The following SMPD4 variants were observed in gnomAD, a reference collection of about 807,000 sequenced individuals.
SMPD4 encodes the protein neutral sphingomyelinase 3.
SMPD4 carries 58 observed loss-of-function variants against 97.8 expected under a neutral mutation model. That is an observed-to-expected ratio of 0.59 (90% CI 0.48 to 0.74). SMPD4 has a LOEUF of 0.74. Among genes scored for constraint, SMPD4 ranks in the 30% least tolerant of loss-of-function variants. The pLI, the probability that SMPD4 is intolerant of heterozygous loss-of-function variation, is 0.00. For missense variants in SMPD4, 853 were observed against 1,080.5 expected, an observed-to-expected ratio of 0.79 and a Z score of 2.95; for synonymous variants, 388 against 450.0, an observed-to-expected ratio of 0.86 and a Z score of 1.74.
At chr2:130,161,311 G>C in intron 10 of SMPD4, 39 bp from the exon 11 acceptor site, 1 of 1,587,794 alleles carries the variant, frequency 6.3e-7, no homozygotes, top group Non-Finnish European at 8.6e-7. Flanking sequence ...AGAGGCCGAA[G>C]AGCAGAGGAC....
rs983701431 is a variant in SMPD4, at chr2:130,152,358, T to C, written c.*197A>G. On this transcript the variant is annotated 3_prime_UTR_variant, in exon 20 of 20. Coordinates refer to ENST00000680298, the MANE Select transcript of SMPD4 (RefSeq NM_017951.5). The stretch of plus-strand genomic sequence containing the variant: ...AGCGTAGCTGTTGAGCCCTGGCAGC[T>C]ACTCCTTTGCTGGGGCCCACCTGCC... 2 of 623,370 alleles carry C rather than the reference T, an allele frequency of 3.2e-6. No homozygotes were observed. Among genetic ancestry groups the C allele is most frequent in the Middle Eastern group, 4.4e-4 (1 of 2,272 alleles). The allele number at this position is 623,370 out of a possible 1,614,324, so 38.6% of individuals were successfully genotyped here.
intron 12 of SMPD4, 107 bp from the exon 13 acceptor site, chr2:130,156,782 C>G (rs775612752): frequency 6.4e-7 from 1 of 1,551,326 alleles, no homozygotes; most frequent in Non-Finnish European, 8.7e-7. Context: ...CGGGGGAGAG[C>G]ACTGGGCACC....
At chr2:130,180,336 G>A (rs188643564) in intron 1 of SMPD4, among the ~76,000 whole-genome samples, 1 of 151,310 alleles carries the variant, frequency 6.6e-6, no homozygotes, top group East Asian at 2.0e-4. Flanking sequence ...GCAGTGGCGC[G>A]ATCTCAGCTC....
At position 130,153,606 on chromosome 2, in the gene SMPD4, C is replaced by T. The variant is rs1686454239; in HGVS notation, c.1893+96G>A. ...CAACACTGGGTCCATATGTGTGGGG[C>T]CTGGGACTGGTAGGTGGCTGACCAC... On this transcript the variant is annotated intron_variant, in intron 17 of 19. Coordinates refer to ENST00000680298, the MANE Select transcript of SMPD4 (RefSeq NM_017951.5). The T allele has an allele frequency of 3.2e-6, 5 of 1,549,222 alleles. No homozygotes were observed. The South Asian group carries it at 6.0e-5, about 19-fold the overall frequency.
intron 8 of SMPD4, among the ~76,000 whole-genome samples, chr2:130,169,578 T>TC (rs773925999): frequency 1.3e-5 from 2 of 151,750 alleles, no homozygotes; most frequent in Non-Finnish European, 2.9e-5. Context: ...TTTTTTTTTT[T>TC]CCCTGAGACA....
In SMPD4 at chr2:130,173,735, C is replaced by T. The variant is rs959762986; in HGVS notation, c.127-79G>A. On this transcript the variant is annotated intron_variant, in intron 3 of 19. Transcript: ENST00000680298. ...GGCTCTAGTCCTGCACCACCTGCTGCCCAGCTCCCTCTGAGGAAGCCACTC... is the reference window on the plus strand; with the variant it reads ...GGCTCTAGTCCTGCACCACCTGCTGTCCAGCTCCCTCTGAGGAAGCCACTC... 247 of 1,581,822 alleles carry T rather than the reference C, an allele frequency of 1.6e-4. 2 individuals are homozygous for T. Among genetic ancestry groups the T allele is most frequent in the Non-Finnish European group, 2.0e-4 (236 of 1,160,900 alleles).
At position 130,164,389 on chromosome 2, in the gene SMPD4, C is replaced by T; in HGVS notation, c.849G>A (p.Gln283=). ...HYSLEMYQKM[Q]SPHAKLEVLH... is the part of the protein sequence containing the mutation. ...GAAAACATACCTTGGCATGAGGGGACTGCATTTTTTGATACATCTCCAAGG... is the reference window on the plus strand; with the variant it reads ...GAAAACATACCTTGGCATGAGGGGATTGCATTTTTTGATACATCTCCAAGG... Residue 283 remains glutamine (Q), a synonymous_variant, in exon 10 of 20, where the codon CAG becomes CAA. Transcript: ENST00000680298. The T allele has an allele frequency of 6.2e-7, 1 of 1,614,048 alleles. No individual in the cohort carries two copies. Among genetic ancestry groups the T allele is most frequent in the Non-Finnish European group, 8.5e-7 (1 of 1,179,950 alleles).
At position 130,175,020 on chromosome 2, in the gene SMPD4, G is replaced by A. The variant is rs1167233530; in HGVS notation, c.40-20C>T. The A allele has an allele frequency of 1.5e-5, 24 of 1,570,742 alleles. No homozygotes were observed. Among genetic ancestry groups the A allele is most frequent in the African/African-American group, 1.1e-4 (8 of 74,202 alleles). ...GCTAGCCTAGAAGACAGAACAAAGC[G>A]AAAAAGTCACGAGGACATTCACTCT... is the stretch of plus-strand genomic sequence containing the variant. On this transcript the variant is annotated intron_variant, in intron 2 of 19. Coordinates refer to ENST00000680298, the MANE Select transcript of SMPD4 (RefSeq NM_017951.5).
upstream of SMPD4, chr2:130,181,665 G>C (rs1689657409): frequency 1.3e-6 from 2 of 1,550,770 alleles, no homozygotes; most frequent in Non-Finnish European, 8.7e-7. Flanking sequence ...TCTTTGGGCC[G>C]TTACCTCAAA....
In SMPD4 at chr2:130,155,920, C is replaced by T. The variant is rs531954141; in HGVS notation, c.1289+115G>A. On this transcript the variant is annotated intron_variant, in intron 14 of 19. Transcript: ENST00000680298. ...GCTGGGAGAGGACTTCAGGAGGCCA[C>T]GGGGGCCAGGGCCAGGCTGACCCCA... 2.6e-4 allele frequency: 267 copies of T among 1,044,274 alleles called. No homozygotes were observed. In the African/African-American group the frequency reaches 3.9e-3, roughly 15 times the overall value. The allele number at this position is 1,044,274 out of a possible 1,614,324, so 64.7% of individuals were successfully genotyped here.
chr2:130,172,489 C>G lies in SMPD4; in HGVS notation c.519G>C (p.Val173=). Residue 173 remains valine (V), a synonymous_variant, in exon 8 of 20, where the codon GTG becomes GTC. Transcript: ENST00000680298. ...LSLITQKPLP[V]SLHVRTSDCA... ...AGTCTGAAGTACGGACGTGGAGGGACACAGGAAGTGGCTGGAAAACCAAGC... is the reference window on the plus strand; with the variant it reads ...AGTCTGAAGTACGGACGTGGAGGGAGACAGGAAGTGGCTGGAAAACCAAGC... 6.2e-7 allele frequency: 1 copy of G among 1,611,154 alleles called. No individual in the cohort carries two copies. The highest frequency in any genetic ancestry group is 8.5e-7 in the Non-Finnish European group (1 of 1,178,032).
intron 1 of SMPD4, among the ~76,000 whole-genome samples, chr2:130,178,799 G>A (rs1380777062): frequency 7.8e-5 from 11 of 141,354 alleles, no homozygotes; most frequent in Admixed American, 1.4e-4. Flanking sequence ...TCAAAAAATG[G>A]AAAAAAAAAA....
chr2:130,157,500 C>T lies in SMPD4; in HGVS notation c.952-104G>A, dbSNP rs530238773. The T allele has an allele frequency of 1.8e-4, 271 of 1,541,270 alleles. 1 individual carries two copies. The South Asian group carries it at 3.1e-3, about 17-fold the overall frequency. ...CCGCCCTGAGCCAGTTGCTCTGCTG[C>T]CCCCACGGGAGGCATGAGCCAGGCC... On this transcript the variant is annotated intron_variant, in intron 11 of 19. Coordinates refer to ENST00000680298, the MANE Select transcript of SMPD4 (RefSeq NM_017951.5).
rs570793889 is a variant in SMPD4, at chr2:130,179,660, T to C, written c.-46+1870A>G. Among the ~76,000 whole-genome samples the C allele has an allele frequency of 4.0e-5, 6 of 151,434 alleles. No homozygotes were observed. In the South Asian group the frequency reaches 1.0e-3, roughly 26 times the overall value. ...CTCAGCCTCCCAAAGTGCCGACTTT[T>C]TCAATTCTTTTTTGAGATGGAGTCT... is the stretch of plus-strand genomic sequence containing the variant. On this transcript the variant is annotated intron_variant, in intron 1 of 19. Transcript: ENST00000680298.
chr2:130,173,461 TGGAATCACCATGA>T, intron 4 of SMPD4, 40 bp downstream of exon 4: 5 of 1,587,770 alleles, frequency 3.1e-6, no homozygotes, highest in Non-Finnish European at 4.3e-6. Flanking sequence ...GCTTTAAAGG[TGGAATCACCATGA>T]GGAATCACCC....
chr2:130,160,532 C>T (rs1201540474), intron 11 of SMPD4, among the ~76,000 whole-genome samples: 2 of 152,254 alleles, frequency 1.3e-5, no homozygotes, highest in Non-Finnish European at 2.9e-5. Context: ...TAGGCAGCTG[C>T]AACCTCTATG....
chr2:130,161,294 T>C, intron 10 of SMPD4, 22 bp from the exon 11 acceptor site: 3 of 1,608,748 alleles, frequency 1.9e-6, no homozygotes, highest in East Asian at 2.2e-5. Flanking sequence ...AACAGAGAGA[T>C]GCCGGAAGAG....
At chr2:130,166,285 G>A (rs1245467640) in intron 9 of SMPD4, among the ~76,000 whole-genome samples, 1 of 125,358 alleles carries the variant, frequency 8.0e-6, no homozygotes, top group African/African-American at 3.1e-5. Context: ...CTCCAGCCTG[G>A]ACAACAGAGG....
At position 130,155,268 on chromosome 2, in the gene SMPD4, C is replaced by T. The variant is rs766318490; in HGVS notation, c.1290-9G>A. The T allele has an allele frequency of 7.4e-6, 12 of 1,613,874 alleles. No homozygotes were observed. Among genetic ancestry groups the T allele is most frequent in the Middle Eastern group, 1.7e-4 (1 of 6,060 alleles). ...CCTGGACAAAGGGTGCCCTGGGGAC[C>T]GAGGTGGCAGGTTGGGGCCAGCCTT... On this transcript the variant is annotated splice_polypyrimidine_tract_variant and intron_variant, in intron 14 of 19. Transcript: ENST00000680298.
Sources: gnomAD v4.1 joint callset for allele counts (sites outside exome capture counted in the v4.1 genomes callset) on GRCh38, gnomAD v4.1.1 for gene constraint, MANE v1.5 for transcripts, NCBI Gene and HGNC (gene_info 2026-07-23, HGNC 2026-07-21) for gene names.